Variants in JHY observed in about 807,000 individuals in gnomAD.
JHY encodes junctional cadherin complex regulator.
In JHY, 69 loss-of-function variants were observed where a neutral mutation model predicts 78.0. The observed-to-expected ratio is 0.88, with a 90% CI of 0.73 to 1.08. The LOEUF is 1.08. Ranked by LOEUF, JHY falls within the 50% of genes least tolerant of loss-of-function variation. The pLI is 0.00. For synonymous variants in JHY, 368 were observed against 342.6 expected (o/e 1.07, Z -0.82); for missense variants, 944 against 927.8 (o/e 1.02, Z -0.23).
chr11:122,951,217 T>C (rs546474037), intron 6 of JHY, among the ~76,000 whole-genome samples: 102 of 152,216 alleles, frequency 6.7e-4, no homozygotes, highest in Non-Finnish European at 1.4e-3. Context: ...GACAGCTCTG[T>C]TGTAACTGAG....
At chr11:122,933,035 T>C (rs1591389715) in intron 4 of JHY, among the ~76,000 whole-genome samples, 1 of 152,310 alleles carries the variant, frequency 6.6e-6, no homozygotes, top group African/African-American at 2.4e-5. Context: ...ATAAGTAACA[T>C]TGTGTATTAC....
rs117497507 is a variant in JHY at position 122,903,260 on chromosome 11, G to T, written c.345-665G>T. ...TCACCAGCTGAAATACTGAGTCATT[G>T]TTGGTGTACGTAAGTAATCGCATTC... On this transcript the variant is annotated intron_variant, in intron 2 of 8. Coordinates refer to ENST00000227349, the MANE Select transcript of JHY (RefSeq NM_024806.4). Among the ~76,000 whole-genome samples the T allele has an allele frequency of 3.3e-3, 507 of 152,334 alleles. 3 individuals are homozygous for T. The highest frequency in any genetic ancestry group is 5.5e-3 in the Non-Finnish European group (377 of 68,032).
At chr11:122,947,146 G>A in intron 6 of JHY, 1 of 175,380 alleles carries the variant, frequency 5.7e-6, no homozygotes, top group Non-Finnish European at 1.2e-5. Context: ...GCTAACCTGA[G>A]TCTTCATGGT....
chr11:122,930,976 T>C (rs1182131095), intron 4 of JHY, among the ~76,000 whole-genome samples: 1 of 152,194 alleles, frequency 6.6e-6, no homozygotes, highest in Non-Finnish European at 1.5e-5. Context: ...ATCTGCTTCC[T>C]GGTTCATTGG....
intron 2 of JHY, among the ~76,000 whole-genome samples, chr11:122,891,182 T>C (rs996180403): frequency 6.6e-6 from 1 of 152,194 alleles, no homozygotes; most frequent in African/African-American, 2.4e-5. Flanking sequence ...TGTCAAAGCT[T>C]GCCTTAAAAC....
chr11:122,961,103 A>C lies in JHY; in HGVS notation c.*1658A>C. On this transcript the variant is annotated 3_prime_UTR_variant, in exon 9 of 9. Transcript: ENST00000227349. Reference sequence around the variant, plus strand: ...CAGTTATGTAAATGTATCTATCCCAATTGAGAGAGCCAGAAACAGTTGACT... The same window carrying C: ...CAGTTATGTAAATGTATCTATCCCACTTGAGAGAGCCAGAAACAGTTGACT... 1 of 995,410 alleles carries C rather than the reference A, an allele frequency of 1.0e-6. No individual in the cohort carries two copies. The highest frequency in any genetic ancestry group is 1.3e-5 in the South Asian group (1 of 74,616). The allele number at this position is 995,410 out of a possible 1,614,324, so 61.7% of individuals were successfully genotyped here.
At chr11:122,901,144 G>C (rs947402562) in intron 2 of JHY, among the ~76,000 whole-genome samples, 1 of 152,182 alleles carries the variant, frequency 6.6e-6, no homozygotes, top group Non-Finnish European at 1.5e-5. Flanking sequence ...ACTAAACACT[G>C]TAGGGAATTA....
chr11:122,890,280 G>A (rs576167800), intron 2 of JHY, among the ~76,000 whole-genome samples: 3 of 152,032 alleles, frequency 2.0e-5, no homozygotes, highest in Non-Finnish European at 4.4e-5. Context: ...TATTGCAACC[G>A]TGGTAGATAC....
intron 5 of JHY, among the ~76,000 whole-genome samples, chr11:122,939,468 T>G (rs778101504): frequency 1.3e-5 from 2 of 152,276 alleles, no homozygotes; most frequent in South Asian, 2.1e-4. Context: ...GCTAAGATAG[T>G]TACCATTCAA....
At position 122,960,622 on chromosome 11, in the gene JHY, C is replaced by T; in HGVS notation, c.*1177C>T. 6.3e-6 allele frequency: 2 copies of T among 315,880 alleles called. No homozygotes were observed. Among genetic ancestry groups the T allele is most frequent in the Non-Finnish European group, 1.3e-5 (2 of 156,320 alleles). The allele number at this position is 315,880 out of a possible 1,614,324, so 19.6% of individuals were successfully genotyped here. On this transcript the variant is annotated 3_prime_UTR_variant, in exon 9 of 9. Coordinates refer to ENST00000227349, the MANE Select transcript of JHY (RefSeq NM_024806.4). ...TCCAAAGAAATATACATGATTACCC[C>T]AGAGACCTTTTCTACTATATCAATA...
intron 2 of JHY, among the ~76,000 whole-genome samples, chr11:122,888,041 T>C (rs577718453): frequency 5.0e-5 from 2 of 40,128 alleles, no homozygotes; most frequent in African/African-American, 9.1e-5. Flanking sequence ...TCTTCCTTCC[T>C]TTCGTCTTCC....
At chr11:122,932,892 G>C (rs1193678761) in intron 4 of JHY, among the ~76,000 whole-genome samples, 1 of 152,072 alleles carries the variant, frequency 6.6e-6, no homozygotes, top group Non-Finnish European at 1.5e-5. Context: ...TTTTTTGGGA[G>C]CACCACAGGT....
At chr11:122,910,313 A>G (rs1863085733) in intron 3 of JHY, among the ~76,000 whole-genome samples, 1 of 152,044 alleles carries the variant, frequency 6.6e-6, no homozygotes, top group Non-Finnish European at 1.5e-5. Flanking sequence ...GTCTCTACTA[A>G]AAAATACAAA....
intron 6 of JHY, among the ~76,000 whole-genome samples, chr11:122,953,479 G>A (rs1399256198): frequency 4.0e-5 from 6 of 151,810 alleles, no homozygotes; most frequent in African/African-American, 1.5e-4. Context: ...GCAGGCGCCT[G>A]TAATCCCAGC....
rs1014584257 is a variant in JHY at position 122,935,578 on chromosome 11, C to T, written c.1634+503C>T. On this transcript the variant is annotated intron_variant, in intron 5 of 8. Transcript: ENST00000227349. This position sits in a 1 kb window ranked among gnomAD's most constrained non-coding sequence, Gnocchi z 4.5. ...GATTTCTTTTCCTCTTCCCTGTCTCCGCTATTTTTCCACTGTAGTTAAACT... is the reference window on the plus strand; with the variant it reads ...GATTTCTTTTCCTCTTCCCTGTCTCTGCTATTTTTCCACTGTAGTTAAACT... Among the ~76,000 whole-genome samples, 37 of 152,050 alleles carry T rather than the reference C, an allele frequency of 2.4e-4. No individual in the cohort carries two copies. The highest frequency in any genetic ancestry group is 1.0e-3 in the Admixed American group (16 of 15,246).
chr11:122,950,502 A>T (rs1164592201), intron 6 of JHY, among the ~76,000 whole-genome samples: 1 of 152,192 alleles, frequency 6.6e-6, no homozygotes, highest in Non-Finnish European at 1.5e-5. Context: ...AGAGGAAGCC[A>T]TGGACCCATT....
chr11:122,932,495 T>G (rs1417432475), intron 4 of JHY, among the ~76,000 whole-genome samples: 1 of 152,212 alleles, frequency 6.6e-6, no homozygotes, highest in African/African-American at 2.4e-5. Flanking sequence ...AAGTATTTTC[T>G]TTTTTGGTGA....
At chr11:122,884,556 T>C (rs1427784413) in intron 1 of JHY, among the ~76,000 whole-genome samples, 1 of 152,170 alleles carries the variant, frequency 6.6e-6, no homozygotes, top group Non-Finnish European at 1.5e-5. Context: ...CGGTCCTACA[T>C]GAACTCAAAG....
At chr11:122,905,437 CT>C in intron 3 of JHY, 1 of 1,333,652 alleles carries the variant, frequency 7.5e-7, no homozygotes, top group Non-Finnish European at 9.6e-7. Flanking sequence ...GCCCTTAGAC[CT>C]ATTCCAAATC....
Sources: gnomAD v4.1 joint callset for allele counts (sites outside exome capture counted in the v4.1 genomes callset) on GRCh38, gnomAD v4.1.1 for gene constraint, Gnocchi (gnomAD v3.1) non-coding constraint, MANE v1.5 for transcripts, NCBI Gene and HGNC (gene_info 2026-07-23, HGNC 2026-07-21) for gene names.